The following ZSCAN5A variants were observed in gnomAD, a reference collection of about 807,000 sequenced individuals.
ZSCAN5A encodes the protein zinc finger and SCAN domain-containing protein 5A.
A neutral mutation model predicts 23.7 loss-of-function variants in ZSCAN5A; 12 were observed. The observed-to-expected ratio is 0.51, with a 90% CI of 0.32 to 0.82. The LOEUF is 0.82. Among genes scored for constraint, ZSCAN5A ranks in the 40% least tolerant of loss-of-function variants. ZSCAN5A has a pLI of 0.03. For synonymous variants in ZSCAN5A, 257 were observed against 239.9 expected (o/e 1.07, Z -0.66); for missense variants, 597 against 617.9 (o/e 0.97, Z 0.36).
intron 2 of ZSCAN5A, among the ~76,000 whole-genome samples, chr19:56,300,564 C>T (rs1169019786): frequency 1.3e-5 from 2 of 152,188 alleles, no homozygotes; most frequent in East Asian, 3.9e-4. Context: ...GGTCATAATG[C>T]TGGCCGCAGG....
chr19:56,286,314 T>C (rs1413528250), intron 2 of ZSCAN5A: 1 of 152,170 alleles, frequency 6.6e-6, no homozygotes, highest in East Asian at 1.9e-4. Context: ...GCCCCGCACC[T>C]GACCCAAACT....
Position 56,300,719 on chromosome 19 carries a change from TC to T in ZSCAN5A, c.-128+12563del, listed in dbSNP as rs2040168392. Among the ~76,000 whole-genome samples the T allele has an allele frequency of 2.0e-5, 3 of 152,338 alleles. No individual in the cohort carries two copies. The East Asian group carries it at 5.8e-4, about 29-fold the overall frequency. ...TTCAACAGGGAGAATTCATTTTTTTTCGTTTTCGATTTGCATTTGCCTGTAC... is the reference window on the plus strand; with the variant it reads ...TTCAACAGGGAGAATTCATTTTTTTTGTTTTCGATTTGCATTTGCCTGTAC... On this transcript the variant is annotated intron_variant, in intron 2 of 5. Coordinates refer to ENST00000683990, the MANE Select transcript of ZSCAN5A (RefSeq NM_001322064.3).
At chr19:56,289,313 C>A (rs933295907) in intron 2 of ZSCAN5A, among the ~76,000 whole-genome samples, 6 of 152,076 alleles carry the variant, frequency 3.9e-5, no homozygotes, top group Admixed American at 2.0e-4. Context: ...TGCTCCAATG[C>A]GAGGGAGCTT....
At chr19:56,268,742 T>G (rs2037642745) in intron 2 of ZSCAN5A, among the ~76,000 whole-genome samples, 1 of 152,160 alleles carries the variant, frequency 6.6e-6, no homozygotes. Context: ...TTAAAACACT[T>G]TCCTTACCCC....
At chr19:56,238,177 T>G (rs970006531) in intron 2 of ZSCAN5A, among the ~76,000 whole-genome samples, 5 of 146,314 alleles carry the variant, frequency 3.4e-5, no homozygotes, top group African/African-American at 1.3e-4. Context: ...CACACACACG[T>G]CAAAGAAACA....
chr19:56,280,521 A>G (rs1402915747), intron 2 of ZSCAN5A: 1 of 152,182 alleles, frequency 6.6e-6, no homozygotes, highest in African/African-American at 2.4e-5. Context: ...ATATATAGAT[A>G]TATATTTCTT....
intron 2 of ZSCAN5A, chr19:56,284,087 T>G: frequency 2.4e-6 from 2 of 826,254 alleles, no homozygotes; most frequent in Non-Finnish European, 2.9e-6. Flanking sequence ...CTGACCTCGT[T>G]TTTGGTTTTC....
chr19:56,327,260 G>A (rs1380073903), intron 2 of ZSCAN5A, among the ~76,000 whole-genome samples: 2 of 151,834 alleles, frequency 1.3e-5, no homozygotes, highest in Admixed American at 6.6e-5. Flanking sequence ...AGGACTAAAG[G>A]TGCATCCCAC....
At chr19:56,273,078 A>C (rs563587092) in intron 2 of ZSCAN5A, among the ~76,000 whole-genome samples, 1 of 152,254 alleles carries the variant, frequency 6.6e-6, no homozygotes, top group South Asian at 2.1e-4. Context: ...CAGTGGGGTG[A>C]ATGAGTCTAG....
rs773477056 is a variant in ZSCAN5A, at chr19:56,222,730, A to G, written c.600T>C (p.Phe200=). 51 of 1,614,048 alleles carry G rather than the reference A, an allele frequency of 3.2e-5. 1 individual carries two copies. In the Admixed American group the frequency reaches 7.7e-4, roughly 24 times the overall value. ...PALSRRQGED[F]LLHKSIDVTG... is the part of the protein sequence containing the mutation. ...TTACGTCAATACTCTTGTGTAGCAG[A>G]AAGTCCTCTCCCTGAAGAGGAAAAA... is the stretch of plus-strand genomic sequence containing the variant. Residue 200 remains phenylalanine, a synonymous_variant, in exon 5 of 6, where the codon TTT becomes TTC. Coordinates refer to ENST00000683990, the MANE Select transcript of ZSCAN5A (RefSeq NM_001322064.3).
At chr19:56,308,818 A>G (rs2040861321) in intron 2 of ZSCAN5A, among the ~76,000 whole-genome samples, 1 of 152,224 alleles carries the variant, frequency 6.6e-6, no homozygotes, top group Non-Finnish European at 1.5e-5. Context: ...ATGCTGAAGG[A>G]AATGAATGGT....
intron 2 of ZSCAN5A, among the ~76,000 whole-genome samples, chr19:56,225,995 G>T (rs1309347281): frequency 1.3e-5 from 2 of 152,056 alleles, no homozygotes. Context: ...ACAATAATAA[G>T]ATTTTTAAAA....
chr19:56,256,370 T>G (rs534915399), intron 2 of ZSCAN5A, among the ~76,000 whole-genome samples: 2 of 152,090 alleles, frequency 1.3e-5, no homozygotes, highest in Non-Finnish European at 2.9e-5. Context: ...TCTTTTGTGG[T>G]TTTTGTAGAG....
chr19:56,302,089 G>C (rs2040273221), intron 2 of ZSCAN5A: 1 of 1,231,700 alleles, frequency 8.1e-7, no homozygotes, highest in African/African-American at 1.6e-5. Context: ...ACAACAAAGG[G>C]GACTGGGTAA....
At chr19:56,266,284 C>T (rs1214970299) in intron 2 of ZSCAN5A, 2 of 152,186 alleles carry the variant, frequency 1.3e-5, no homozygotes, top group African/African-American at 2.4e-5. Flanking sequence ...ACGGTGAGAT[C>T]TAGGCCCTCA....
chr19:56,269,898 T>C (rs1600140879), intron 2 of ZSCAN5A, among the ~76,000 whole-genome samples: 1 of 152,212 alleles, frequency 6.6e-6, no homozygotes, highest in East Asian at 1.9e-4. Flanking sequence ...CAGAACTGTA[T>C]GATAATAAAT....
intron 2 of ZSCAN5A, among the ~76,000 whole-genome samples, chr19:56,256,244 G>T (rs2036683827): frequency 6.6e-6 from 1 of 152,178 alleles, no homozygotes; most frequent in Admixed American, 6.5e-5. Flanking sequence ...CCAGGCTGGA[G>T]TGCAGTGGTG....
chr19:56,314,912 G>C (rs2041271435), upstream of ZSCAN5A: 1 of 152,258 alleles, frequency 6.6e-6, no homozygotes, highest in African/African-American at 2.4e-5. Context: ...TTGCTCAGAG[G>C]GCTGAACTAG....
chr19:56,349,044 C>A (rs1480692649), intron 2 of ZSCAN5A, among the ~76,000 whole-genome samples: 1 of 152,152 alleles, frequency 6.6e-6, no homozygotes, highest in Non-Finnish European at 1.5e-5. Flanking sequence ...ATGAAAAGTT[C>A]TTAAAATCCT....
Sources: gnomAD v4.1 joint callset for allele counts (sites outside exome capture counted in the v4.1 genomes callset) on GRCh38, gnomAD v4.1.1 for gene constraint, MANE v1.5 for transcripts, NCBI Gene and HGNC (gene_info 2026-07-23, HGNC 2026-07-21) for gene names.